PPARGC1A: variants seen among roughly 807,000 people sequenced by gnomAD.
PPARGC1A encodes the protein peroxisome proliferator-activated receptor gamma coactivator 1-alpha.
Under a neutral mutation model 88.7 loss-of-function variants are expected in PPARGC1A, and 25 were observed. The observed-to-expected ratio is 0.28, with a 90% CI of 0.21 to 0.39. The LOEUF (loss-of-function observed/expected upper bound fraction) is 0.39. PPARGC1A is among the 10% of genes least tolerant of loss of function. The pLI, the probability that PPARGC1A is intolerant of heterozygous loss-of-function variation, is 1.00. For synonymous variants in PPARGC1A, 363 were observed against 355.6 expected, an observed-to-expected ratio of 1.02 and a Z score of -0.24; for missense variants, 880 against 968.7, an observed-to-expected ratio of 0.91 and a Z score of 1.22.
At chr4:24,041,515 C>G in the PPARGC1A span, among the ~76,000 whole-genome samples, 1 of 152,142 alleles carries the variant, frequency 6.6e-6, no homozygotes, top group African/African-American at 2.4e-5. Flanking sequence ...CGAAAATAGT[C>G]TCTTTATTAA....
At chr4:24,298,444 G>A in the PPARGC1A span, among the ~76,000 whole-genome samples, 2 of 152,122 alleles carry the variant, frequency 1.3e-5, no homozygotes, top group Admixed American at 6.6e-5. Flanking sequence ...GTTAATCAAT[G>A]TGAACTCTTT....
At chr4:24,226,231 G>A in the PPARGC1A span, among the ~76,000 whole-genome samples, 1 of 152,244 alleles carries the variant, frequency 6.6e-6, no homozygotes, top group South Asian at 2.1e-4. Context: ...CATTCCGGCC[G>A]GGCTGTGGGA....
At chr4:23,916,144 C>T in the PPARGC1A span, among the ~76,000 whole-genome samples, 1 of 152,210 alleles carries the variant, frequency 6.6e-6, no homozygotes, top group South Asian at 2.1e-4. Context: ...CTATATAAGG[C>T]AATAAGTAAA....
intron 12 of PPARGC1A, among the ~76,000 whole-genome samples, chr4:23,797,250 A>G (rs1206164242): frequency 1.3e-5 from 2 of 152,104 alleles, no homozygotes. Context: ...CAATTCTTAA[A>G]TTACACTGGC....
the PPARGC1A span, among the ~76,000 whole-genome samples, chr4:23,997,198 T>C: frequency 6.6e-6 from 1 of 152,132 alleles, no homozygotes; most frequent in Non-Finnish European, 1.5e-5. Context: ...ACTGTCTCTT[T>C]CCCTTGTAAG....
the PPARGC1A span, among the ~76,000 whole-genome samples, chr4:23,965,979 A>G: frequency 6.6e-6 from 1 of 152,206 alleles, no homozygotes; most frequent in East Asian, 1.9e-4. Flanking sequence ...ATGCCAAACA[A>G]GCATGTAGAA....
chr4:24,040,174 C>T, the PPARGC1A span, among the ~76,000 whole-genome samples: 1 of 152,196 alleles, frequency 6.6e-6, no homozygotes, highest in Admixed American at 6.5e-5. Flanking sequence ...GGTATCTTTG[C>T]ATTAGGTACG....
chr4:24,194,606 GCACACACGCGCGCGCACGCGCGCGCA>G, the PPARGC1A span, among the ~76,000 whole-genome samples: 10 of 93,694 alleles, frequency 1.1e-4, no homozygotes, highest in Non-Finnish European at 2.5e-4. Context: ...CAGTGGGCTG[GCACACACGCGCGCGCACGCGCGCGCA>G]CACACACACA....
chr4:23,990,531 C>T, the PPARGC1A span, among the ~76,000 whole-genome samples: 168 of 152,088 alleles, frequency 1.1e-3, 1 homozygote, highest in East Asian at 4.1e-3. Context: ...ACATAAGGAA[C>T]GACATCCGTC....
chr4:23,903,582 A>C (rs1719675855), upstream of PPARGC1A, among the ~76,000 whole-genome samples: 1 of 152,210 alleles, frequency 6.6e-6, no homozygotes, highest in Non-Finnish European at 1.5e-5. Context: ...GGAGCCATGC[A>C]ATACAGTGGT....
At chr4:23,987,248 A>G in the PPARGC1A span, among the ~76,000 whole-genome samples, 1 of 152,032 alleles carries the variant, frequency 6.6e-6, no homozygotes, top group Admixed American at 6.6e-5. Context: ...CATTTCAGAC[A>G]CAGATGACAC....
the PPARGC1A span, among the ~76,000 whole-genome samples, chr4:24,394,240 G>A: frequency 0.02 from 3,031 of 152,276 alleles, 36 homozygotes; most frequent in Non-Finnish European, 0.031. Flanking sequence ...GTGGTAACTC[G>A]GGTTTACTCA....
the PPARGC1A span, among the ~76,000 whole-genome samples, chr4:24,071,981 T>C: frequency 6.6e-6 from 1 of 151,902 alleles, no homozygotes; most frequent in Non-Finnish European, 1.5e-5. Context: ...AGATTTAAAG[T>C]TTACTTTTAT....
the PPARGC1A span, among the ~76,000 whole-genome samples, chr4:24,331,757 T>C: frequency 2.7e-5 from 2 of 74,136 alleles, no homozygotes; most frequent in Admixed American, 2.0e-4. Context: ...AGGTGAACTC[T>C]GTGTTTATTT....
At chr4:23,824,596 AC>A in intron 5 of PPARGC1A, 88 bp from the exon 6 acceptor site, 1 of 1,150,482 alleles carries the variant, frequency 8.7e-7, no homozygotes, top group Non-Finnish European at 1.2e-6. Context: ...TGGAAAAACA[AC>A]CAGAAAACTC....
the PPARGC1A span, among the ~76,000 whole-genome samples, chr4:24,265,138 G>T: frequency 6.6e-6 from 1 of 152,160 alleles, no homozygotes; most frequent in Non-Finnish European, 1.5e-5. Context: ...ATGTGGGTTT[G>T]TTAAAAGAAC....
At chr4:24,288,918 T>C in the PPARGC1A span, among the ~76,000 whole-genome samples, 1 of 152,114 alleles carries the variant, frequency 6.6e-6, no homozygotes, top group Non-Finnish European at 1.5e-5. Context: ...CATGGGATCT[T>C]ACTGCTCAAA....
the PPARGC1A span, among the ~76,000 whole-genome samples, chr4:24,422,238 T>C: frequency 6.6e-6 from 1 of 152,244 alleles, no homozygotes; most frequent in Non-Finnish European, 1.5e-5. Context: ...ACCATGTGGC[T>C]CATGAAGCCT....
chr4:24,325,841 T>C, the PPARGC1A span, among the ~76,000 whole-genome samples: 1 of 152,176 alleles, frequency 6.6e-6, no homozygotes, highest in African/African-American at 2.4e-5. Context: ...CCTCCATAAC[T>C]ATTGTGGGTA....
Sources: allele counts gnomAD v4.1 joint callset (sites outside exome capture counted in the v4.1 genomes callset), GRCh38; gene constraint gnomAD v4.1.1; transcripts MANE v1.5; gene names NCBI Gene and HGNC (gene_info 2026-07-23, HGNC 2026-07-21).